The following TRAFD1 variants were observed in gnomAD, a reference collection of about 807,000 sequenced individuals.
TRAFD1 encodes the protein TRAF-type zinc finger domain containing 1, also known as TRAF-type zinc finger domain-containing protein 1.
A neutral mutation model predicts 65.3 loss-of-function variants in TRAFD1; 38 were observed. The ratio of observed to expected loss-of-function variants is 0.58; its 90% CI spans 0.45 to 0.76. TRAFD1 has a LOEUF of 0.76. Ranked by LOEUF, TRAFD1 falls within the 30% of genes least tolerant of loss-of-function variation. TRAFD1 has a pLI of 0.00. For synonymous variants in TRAFD1, 223 were observed against 257.2 expected (o/e 0.87, Z 1.27); for missense variants, 631 against 712.6 (o/e 0.89, Z 1.30).
chr12:112,134,101 C>T (rs2079581300), intron 2 of TRAFD1, among the ~76,000 whole-genome samples: 1 of 149,878 alleles, frequency 6.7e-6, no homozygotes, highest in African/African-American at 2.5e-5. Context: ...TCTTCCGCCT[C>T]CCGGGTTCAA....
chr12:112,149,697 C>G (rs970618947), intron 8 of TRAFD1, 54 bp from the exon 9 acceptor site: 1 of 1,609,202 alleles, frequency 6.2e-7, no homozygotes, highest in African/African-American at 1.3e-5. Flanking sequence ...ATCGCATGCT[C>G]TTTTCTGGGA....
At chr12:112,143,426 T>C (rs1286044542) in intron 6 of TRAFD1, among the ~76,000 whole-genome samples, 3 of 151,842 alleles carry the variant, frequency 2.0e-5, no homozygotes, top group Non-Finnish European at 4.4e-5. Context: ...GGTTTCGCCA[T>C]GTTGGCCAGG....
chr12:112,152,568 A>T lies in TRAFD1; in HGVS notation c.1692+69A>T. 2.5e-6 allele frequency: 4 copies of T among 1,600,590 alleles called. No homozygotes were observed. The highest frequency in any genetic ancestry group is 1.7e-4 in the Middle Eastern group (1 of 5,976). On this transcript the variant is annotated intron_variant, in intron 11 of 11. Coordinates refer to ENST00000412615, the MANE Select transcript of TRAFD1 (RefSeq NM_006700.3). This position sits in a 1 kb window ranked among gnomAD's most constrained non-coding sequence, Gnocchi z 5.0. Reference sequence around the variant, plus strand: ...CATGGTGGGGCTTGTGTGGCTCCTGAAGTTGTAGAAGTTGTTGGGACCAGG... The same window carrying T: ...CATGGTGGGGCTTGTGTGGCTCCTGTAGTTGTAGAAGTTGTTGGGACCAGG...
rs553107406 is a variant in TRAFD1, at chr12:112,129,309, T to G, written c.-12-1202T>G. ...TTTGACCTCCTGGGCTTAAGTGATC[T>G]TCCCATCTCAGCCTTCTGAGTAGTT... is the stretch of plus-strand genomic sequence containing the variant. On this transcript the variant is annotated intron_variant, in intron 1 of 11. Transcript: ENST00000412615. 2.0e-5 allele frequency among the ~76,000 whole-genome samples: 3 copies of G among 150,898 alleles called. No individual in the cohort carries two copies. The South Asian group carries it at 6.4e-4, about 32-fold the overall frequency.
At chr12:112,129,553 G>A (rs1029033943) in intron 1 of TRAFD1, among the ~76,000 whole-genome samples, 1 of 152,098 alleles carries the variant, frequency 6.6e-6, no homozygotes, top group Non-Finnish European at 1.5e-5. Flanking sequence ...TATTGTATTA[G>A]TGTTAATTTC....
intron 1 of TRAFD1, among the ~76,000 whole-genome samples, chr12:112,129,755 G>A (rs1056520503): frequency 6.6e-6 from 1 of 152,000 alleles, no homozygotes; most frequent in African/African-American, 2.4e-5. Context: ...CGATTCTCCT[G>A]CCTCAGCCTC....
Position 112,142,146 on chromosome 12 carries a change from G to C in TRAFD1, c.701G>C (p.Gly234Ala). Residue 234 changes from glycine (G) to alanine (A), a missense_variant, in exon 6 of 12, where the codon GGT becomes GCT. By Grantham distance (60) the Gly-to-Ala change is moderately conservative (BLOSUM62 0). Transcript: ENST00000412615. ...GGCCAACAGCCCCCCAAAGAGGGTGGTGAAGAGAGTGCAAACTTGGACTTC... is the reference window on the plus strand; with the variant it reads ...GGCCAACAGCCCCCCAAAGAGGGTGCTGAAGAGAGTGCAAACTTGGACTTC... ...NRGQQPPKEG[G>A]EESANLDFML... 6.2e-7 allele frequency: 1 copy of C among 1,614,016 alleles called. No homozygotes were observed. The highest frequency in any genetic ancestry group is 8.5e-7 in the Non-Finnish European group (1 of 1,180,004).
rs1250005429 is a variant in TRAFD1 at position 112,130,144 on chromosome 12, A to G, written c.-12-367A>G. ...TGCCTGGGTAATTTTTTTTTTTTGT[A>G]TTTTTTGTAGACATGACGTTACCCC... On this transcript the variant is annotated intron_variant, in intron 1 of 11. Coordinates refer to ENST00000412615, the MANE Select transcript of TRAFD1 (RefSeq NM_006700.3). This position sits in a 1 kb window ranked among gnomAD's most constrained non-coding sequence, Gnocchi z 4.4. Among the ~76,000 whole-genome samples the G allele has an allele frequency of 7.3e-6, 1 of 137,144 alleles. No individual in the cohort carries two copies. The highest frequency in any genetic ancestry group is 1.6e-5 in the Non-Finnish European group (1 of 63,924). The allele number at this position is 137,144 out of a possible 152,430, so 90.0% of individuals were successfully genotyped here.
intron 1 of TRAFD1, among the ~76,000 whole-genome samples, chr12:112,127,734 C>A (rs762889066): frequency 6.7e-6 from 1 of 149,240 alleles, no homozygotes; most frequent in Admixed American, 6.6e-5. Flanking sequence ...GGCGTGATCT[C>A]GGCTCACTGC....
chr12:112,146,488 G>A (rs1212390351), intron 7 of TRAFD1, among the ~76,000 whole-genome samples: 2 of 152,158 alleles, frequency 1.3e-5, no homozygotes, highest in African/African-American at 4.8e-5. Flanking sequence ...TTGTGATCTG[G>A]TCTCATCTCA....
chr12:112,140,195 C>A, intron 4 of TRAFD1: 2 of 267,816 alleles, frequency 7.5e-6, no homozygotes, highest in Non-Finnish European at 7.5e-6. Context: ...CTGAGGCGGG[C>A]GGATCACAAG....
chr12:112,135,687 G>A (rs148084975), intron 4 of TRAFD1, among the ~76,000 whole-genome samples: 33 of 151,880 alleles, frequency 2.2e-4, no homozygotes, highest in Middle Eastern at 3.4e-3. Context: ...GATTACAGGC[G>A]TGAGCCACCA....
chr12:112,134,163 G>A (rs554480508), intron 2 of TRAFD1, among the ~76,000 whole-genome samples: 15 of 147,072 alleles, frequency 1.0e-4, no homozygotes, highest in South Asian at 2.2e-4. Context: ...GGCATGTGCC[G>A]CCACACCTGG....
At chr12:112,151,237 CA>C (rs948684882) in intron 9 of TRAFD1, among the ~76,000 whole-genome samples, 3 of 148,656 alleles carry the variant, frequency 2.0e-5, no homozygotes, top group African/African-American at 4.9e-5. Flanking sequence ...GACTCCATCT[CA>C]AAAAAAAAAT....
At chr12:112,128,286 A>G (rs993706677) in intron 1 of TRAFD1, among the ~76,000 whole-genome samples, 1 of 152,186 alleles carries the variant, frequency 6.6e-6, no homozygotes, top group African/African-American at 2.4e-5. Flanking sequence ...GATTACAGGC[A>G]TGAGCCACTG....
chr12:112,137,708 G>A lies in TRAFD1; in HGVS notation c.237+2642G>A, dbSNP rs1193138352. Among the ~76,000 whole-genome samples, 2 of 152,198 alleles carry A rather than the reference G, an allele frequency of 1.3e-5. No homozygotes were observed. Among genetic ancestry groups the A allele is most frequent in the African/African-American group, 2.4e-5 (1 of 41,454 alleles). ...ACCCGGGAGGCGGAGCTTGCAGTAA[G>A]CCGAGGTTGCGCTACTGCACTTCAG... On this transcript the variant is annotated intron_variant, in intron 4 of 11. Coordinates refer to ENST00000412615, the MANE Select transcript of TRAFD1 (RefSeq NM_006700.3). This position sits in a 1 kb window ranked among gnomAD's most constrained non-coding sequence, Gnocchi z 4.2.
intron 5 of TRAFD1, 121 bp downstream of exon 5, chr12:112,141,345 G>C: frequency 8.8e-7 from 1 of 1,135,194 alleles, no homozygotes; most frequent in Non-Finnish European, 1.2e-6. Context: ...GAGTAACACT[G>C]GGAAGAATAC....
chr12:112,149,905 G>T, intron 9 of TRAFD1, 34 bp downstream of exon 9: 1 of 1,612,430 alleles, frequency 6.2e-7, no homozygotes. Flanking sequence ...CAAGGCCGCA[G>T]GTCTACTGCT....
Position 112,152,327 on chromosome 12 carries a change from G to A in TRAFD1, c.1620-100G>A. On this transcript the variant is annotated intron_variant, in intron 10 of 11. Transcript: ENST00000412615. This position sits in a 1 kb window ranked among gnomAD's most constrained non-coding sequence, Gnocchi z 5.0. ...ATTTTGTGGCCTATGGGTTTTTTGG[G>A]GTTTGTCTGCTAGCATAGGACTGCT... The A allele has an allele frequency of 6.6e-7, 1 of 1,517,474 alleles. No homozygotes were observed. Among genetic ancestry groups the A allele is most frequent in the Non-Finnish European group, 8.9e-7 (1 of 1,118,018 alleles). The allele number at this position is 1,517,474 out of a possible 1,614,324, so 94.0% of individuals were successfully genotyped here.
Sources: gnomAD v4.1 joint callset for allele counts (sites outside exome capture counted in the v4.1 genomes callset) on GRCh38, gnomAD v4.1.1 for gene constraint, Gnocchi (gnomAD v3.1) non-coding constraint, MANE v1.5 for transcripts, NCBI Gene and HGNC (gene_info 2026-07-23, HGNC 2026-07-21) for gene names.